EPHB1: variants seen among roughly 807,000 people sequenced by gnomAD.
The protein encoded by EPHB1 is EPH receptor B1.
EPHB1 carries 30 observed loss-of-function variants against 94.4 expected under a neutral mutation model. That is an observed-to-expected ratio of 0.32 (90% CI 0.24 to 0.43). The LOEUF is 0.43. EPHB1 is among the 20% of genes least tolerant of loss of function. EPHB1 has a pLI of 1.00. For missense variants in EPHB1, 1,055 were observed against 1,308.3 expected (o/e 0.81, Z 2.99); for synonymous variants, 522 against 489.1 (o/e 1.07, Z -0.89).
chr3:134,850,938 C>T (rs1172572470), intron 1 of EPHB1, among the ~76,000 whole-genome samples: 3 of 152,260 alleles, frequency 2.0e-5, no homozygotes, highest in African/African-American at 7.2e-5. Context: ...GCAGCAGATG[C>T]AGCTGGAAGG....
chr3:134,870,731 A>G (rs1406337222), intron 1 of EPHB1, among the ~76,000 whole-genome samples: 2 of 152,244 alleles, frequency 1.3e-5, no homozygotes, highest in Non-Finnish European at 2.9e-5. Context: ...ATGGGGACAA[A>G]ATACCTACTG....
At chr3:135,003,320 G>A (rs1935257954) in intron 3 of EPHB1, among the ~76,000 whole-genome samples, 1 of 152,098 alleles carries the variant, frequency 6.6e-6, no homozygotes. Context: ...TGTGGTCTGA[G>A]AGATAGTTTG....
chr3:134,911,768 G>T (rs1027903754), intron 1 of EPHB1, among the ~76,000 whole-genome samples: 1 of 152,210 alleles, frequency 6.6e-6, no homozygotes, highest in African/African-American at 2.4e-5. Flanking sequence ...AGCAGCACCA[G>T]TCTGGTCTGG....
intron 1 of EPHB1, among the ~76,000 whole-genome samples, chr3:134,915,333 T>C (rs896606684): frequency 2.0e-5 from 3 of 152,134 alleles, no homozygotes; most frequent in African/African-American, 7.2e-5. Flanking sequence ...AAAATAGTCA[T>C]GCCACATAAA....
At chr3:135,141,880 C>G (rs1266400156) in intron 5 of EPHB1, among the ~76,000 whole-genome samples, 2 of 152,164 alleles carry the variant, frequency 1.3e-5, no homozygotes, top group Non-Finnish European at 2.9e-5. Context: ...GCCTGGCCAT[C>G]TGGCTTAATA....
At chr3:135,234,573 G>A (rs1304790215) in intron 12 of EPHB1, among the ~76,000 whole-genome samples, 1 of 152,124 alleles carries the variant, frequency 6.6e-6, no homozygotes, top group Non-Finnish European at 1.5e-5. Flanking sequence ...GTATTAGTCT[G>A]TTCTCACACT....
At chr3:135,018,449 T>C (rs1935877044) in intron 3 of EPHB1, among the ~76,000 whole-genome samples, 1 of 152,090 alleles carries the variant, frequency 6.6e-6, no homozygotes, top group African/African-American at 2.4e-5. Context: ...CCTCCCTTTC[T>C]TCGAAGACCA....
intron 3 of EPHB1, among the ~76,000 whole-genome samples, chr3:135,001,080 G>A (rs1935156385): frequency 6.6e-6 from 1 of 152,194 alleles, no homozygotes; most frequent in Non-Finnish European, 1.5e-5. Context: ...GGAGGAGGGT[G>A]TCAGAGGCCT....
intron 3 of EPHB1, among the ~76,000 whole-genome samples, chr3:134,952,313 T>C (rs776671618): frequency 3.9e-5 from 6 of 151,970 alleles, no homozygotes; most frequent in Non-Finnish European, 5.9e-5. Flanking sequence ...AACCAGTCCA[T>C]AATATTTAGT....
intron 3 of EPHB1, among the ~76,000 whole-genome samples, chr3:134,965,484 C>T (rs746034406): frequency 5.3e-5 from 8 of 152,186 alleles, no homozygotes; most frequent in South Asian, 2.1e-4. Flanking sequence ...AGGACTGCTT[C>T]AGCCCCGGAG....
rs61369813 is a variant in EPHB1 at position 134,959,966 on chromosome 3, C to CT, written c.805+7956dup. 4.6e-3 allele frequency among the ~76,000 whole-genome samples: 491 copies of CT among 107,354 alleles called. 30 individuals are homozygous for CT. Among genetic ancestry groups the CT allele is most frequent in the Non-Finnish European group, 7.2e-3 (374 of 52,074 alleles). The allele number at this position is 107,354 out of a possible 152,430, so 70.4% of individuals were successfully genotyped here. A position where few individuals can be genotyped will look rare whatever the true frequency, so the allele number is the denominator to read the frequency against. ...AGAATTTGAGCACAAACATCTGCACCTTTTTTTTTTTTTTTTTTTTTTTTT... is the reference window on the plus strand; with the variant it reads ...AGAATTTGAGCACAAACATCTGCACCTTTTTTTTTTTTTTTTTTTTTTTTTT... On this transcript the variant is annotated intron_variant, in intron 3 of 15. Transcript: ENST00000398015.
chr3:135,201,210 T>A (rs147904469), intron 11 of EPHB1, among the ~76,000 whole-genome samples: 189 of 151,964 alleles, frequency 1.2e-3, no homozygotes, highest in African/African-American at 4.3e-3. Flanking sequence ...GGCGACTTGG[T>A]TGGACTGGCG....
chr3:135,248,934 A>C (rs2107731647), intron 14 of EPHB1, among the ~76,000 whole-genome samples: 1 of 151,972 alleles, frequency 6.6e-6, no homozygotes, highest in East Asian at 1.9e-4. Flanking sequence ...ATAGCTAAGG[A>C]TGAAACTAGG....
intron 12 of EPHB1, among the ~76,000 whole-genome samples, chr3:135,203,816 G>T (rs1942823712): frequency 6.6e-6 from 1 of 152,046 alleles, no homozygotes; most frequent in Admixed American, 6.5e-5. Context: ...GGGCATCATT[G>T]CCGCCAAGAT....
chr3:135,010,105 TG>T (rs1353906430), intron 3 of EPHB1, among the ~76,000 whole-genome samples: 1 of 152,222 alleles, frequency 6.6e-6, no homozygotes, highest in African/African-American at 2.4e-5. Flanking sequence ...CAATATAATT[TG>T]ATTTGAATTT....
At chr3:135,009,830 TAAA>T (rs897324074) in intron 3 of EPHB1, among the ~76,000 whole-genome samples, 1 of 152,244 alleles carries the variant, frequency 6.6e-6, no homozygotes, top group African/African-American at 2.4e-5. Context: ...TTATGTAAAA[TAAA>T]AACGTTTCTG....
intron 3 of EPHB1, among the ~76,000 whole-genome samples, chr3:135,089,777 A>G (rs1441466747): frequency 6.6e-6 from 1 of 152,162 alleles, no homozygotes; most frequent in Non-Finnish European, 1.5e-5. Flanking sequence ...TCCTTTCTCA[A>G]GTTGCTCAGC....
chr3:135,179,231 C>G (rs555538506), intron 9 of EPHB1, among the ~76,000 whole-genome samples: 2 of 152,296 alleles, frequency 1.3e-5, no homozygotes, highest in Non-Finnish European at 2.9e-5. Context: ...ATTTTTCTTT[C>G]ATACCACCTC....
At chr3:134,877,519 A>T (rs752403272) in intron 1 of EPHB1, among the ~76,000 whole-genome samples, 2 of 152,162 alleles carry the variant, frequency 1.3e-5, no homozygotes, top group Non-Finnish European at 2.9e-5. Context: ...GAACATACCC[A>T]TGACACCAAC....
Sources: gnomAD v4.1 joint callset for allele counts (sites outside exome capture counted in the v4.1 genomes callset) on GRCh38, gnomAD v4.1.1 for gene constraint, MANE v1.5 for transcripts, NCBI Gene and HGNC (gene_info 2026-07-23, HGNC 2026-07-21) for gene names.